PRMT2: variants seen among roughly 807,000 people sequenced by gnomAD.
The protein encoded by PRMT2 is protein arginine methyltransferase 2, also known as protein arginine N-methyltransferase 2.
PRMT2 carries 26 observed loss-of-function variants against 57.6 expected under a neutral mutation model. The observed-to-expected ratio is 0.45, with a 90% CI of 0.33 to 0.63. The LOEUF is 0.63. Among genes scored for constraint, PRMT2 ranks in the 20% least tolerant of loss-of-function variants. PRMT2 has a pLI of 0.02. For missense variants in PRMT2, 472 were observed against 564.4 expected (o/e 0.84, Z 1.66); for synonymous variants, 219 against 220.0 (o/e 1.00, Z 0.04).
chr21:46,637,823 G>A (rs560542318), intron 3 of PRMT2, among the ~76,000 whole-genome samples: 8 of 151,890 alleles, frequency 5.3e-5, no homozygotes, highest in Non-Finnish European at 7.4e-5. Flanking sequence ...AATACTGTCG[G>A]GTGTGTCTGT....
Position 46,637,008 on chromosome 21 carries a change from T to C in PRMT2, c.39+18T>C, listed in dbSNP as rs763832391. Reference sequence around the variant, plus strand: ...AATCGCAGGTAATTTCCGTTCCACTTCCTAAAAATCTGTGTTTAATGAATG... The same window carrying C: ...AATCGCAGGTAATTTCCGTTCCACTCCCTAAAAATCTGTGTTTAATGAATG... On this transcript the variant is annotated intron_variant, in intron 3 of 11. Transcript: ENST00000355680. The C allele has an allele frequency of 6.2e-7, 1 of 1,612,818 alleles. No individual in the cohort carries two copies. The highest frequency in any genetic ancestry group is 8.5e-7 in the Non-Finnish European group (1 of 1,179,052).
At chr21:46,663,295 G>T in intron 10 of PRMT2, 88 bp from the exon 11 acceptor site, 5 of 1,349,658 alleles carry the variant, frequency 3.7e-6, no homozygotes, top group Middle Eastern at 2.7e-4. Context: ...GGGGGCGAGA[G>T]CCAGTGCGAG....
At chr21:46,644,565 G>C (rs1199842570) in intron 5 of PRMT2, 77 bp downstream of exon 5, 4 of 1,419,200 alleles carry the variant, frequency 2.8e-6, no homozygotes, top group Non-Finnish European at 3.8e-6. Flanking sequence ...GCAACGTTCA[G>C]AGCAGGCCCA....
chr21:46,660,075 A>G, intron 8 of PRMT2: 1 of 976,628 alleles, frequency 1.0e-6, no homozygotes. Context: ...TAAATTTGTA[A>G]TTTTTTATCA....
At chr21:46,639,495 T>G (rs2061231863) in intron 3 of PRMT2, among the ~76,000 whole-genome samples, 1 of 152,174 alleles carries the variant, frequency 6.6e-6, no homozygotes, top group Non-Finnish European at 1.5e-5. Flanking sequence ...CTTTTTGCTT[T>G]GTATATTTTG....
intron 8 of PRMT2, chr21:46,660,251 T>C: frequency 2.6e-6 from 2 of 773,154 alleles, no homozygotes; most frequent in Non-Finnish European, 3.1e-6. Context: ...AACGGTGACA[T>C]GCAGGGGCCA....
Position 46,648,329 on chromosome 21 carries a change from C to A in PRMT2, c.328-129C>A. On this transcript the variant is annotated intron_variant, in intron 5 of 11. Coordinates refer to ENST00000355680, the MANE Select transcript of PRMT2 (RefSeq NM_206962.4). This position sits in a 1 kb window ranked among gnomAD's most constrained non-coding sequence, Gnocchi z 4.8. ...ACTTGGTTGACAGTGATGTCCAGGC[C>A]TTCCATAGTCTTCCATAGGGGTGTT... is the stretch of plus-strand genomic sequence containing the variant. 1 of 899,344 alleles carries A rather than the reference C, an allele frequency of 1.1e-6. No individual in the cohort carries two copies. The highest frequency in any genetic ancestry group is 1.7e-6 in the Non-Finnish European group (1 of 596,626). The allele number at this position is 899,344 out of a possible 1,614,324, so 55.7% of individuals were successfully genotyped here. A position where few individuals can be genotyped will look rare whatever the true frequency, so the allele number is the denominator to read the frequency against.
chr21:46,645,739 C>T (rs1198769663), intron 5 of PRMT2, among the ~76,000 whole-genome samples: 8 of 148,784 alleles, frequency 5.4e-5, no homozygotes, highest in Non-Finnish European at 8.9e-5. Context: ...TTTTTTGAGA[C>T]GTAGTCTTGC....
chr21:46,659,859 T>C, intron 8 of PRMT2: 1 of 985,426 alleles, frequency 1.0e-6, no homozygotes, highest in Non-Finnish European at 1.2e-6. Context: ...ACCATAGGTT[T>C]TTAGGGATAT....
chr21:46,651,475 G>C (rs1206427781), intron 7 of PRMT2, among the ~76,000 whole-genome samples: 2 of 140,494 alleles, frequency 1.4e-5, no homozygotes, highest in Non-Finnish European at 3.1e-5. Context: ...GCCTGGAGGG[G>C]CCACCCTGAG....
rs765298078 is a variant in PRMT2, at chr21:46,643,611, C to G, written c.116C>G (p.Ala39Gly). 6.2e-7 allele frequency: 1 copy of G among 1,610,616 alleles called. No individual in the cohort carries two copies. The highest frequency in any genetic ancestry group is 8.5e-7 in the Non-Finnish European group (1 of 1,179,122). Residue 39 changes from alanine to glycine, a missense_variant, in exon 4 of 12, where the codon GCG becomes GGG. Physicochemically the swap from Ala to Gly is moderately conservative, Grantham distance 60. Around this residue, in one of 2 missense-constraint regions of PRMT2, gnomAD observed 243 missense variants for 347.2 expected, o/e 0.70. Coordinates refer to ENST00000355680, the MANE Select transcript of PRMT2 (RefSeq NM_206962.4). The part of the protein sequence containing the change: ...GVQPEEFVAI[A>G]DYAATDETQL... ...CAGCCAGAGGAGTTTGTGGCCATCG[C>G]GGACTACGCTGCCACCGATGAGACC...
chr21:46,635,682 T>C lies in PRMT2; in HGVS notation c.-247T>C, dbSNP rs1049727017. 1 of 152,450 alleles carries C rather than the reference T, an allele frequency of 6.6e-6. No individual in the cohort carries two copies. Among genetic ancestry groups the C allele is most frequent in the Non-Finnish European group, 1.5e-5 (1 of 68,252 alleles). 9.4% of individuals were successfully genotyped at this position (152,450 alleles called of 1,614,324 possible). On this transcript the variant is annotated 5_prime_UTR_variant, in exon 1 of 12. Coordinates refer to ENST00000355680, the MANE Select transcript of PRMT2 (RefSeq NM_206962.4). ...CTGCGCTTGCGCGGGTTGAGGGCGG[T>C]GGCTCAGGCTCCTGGAAAGGACCGT...
chr21:46,658,933 A>G lies in PRMT2; in HGVS notation c.830+13A>G, dbSNP rs1436452182. 3 of 1,607,782 alleles carry G rather than the reference A, an allele frequency of 1.9e-6. No homozygotes were observed. In the Admixed American group the frequency reaches 5.0e-5, roughly 27 times the overall value. On this transcript the variant is annotated intron_variant, in intron 8 of 11. Transcript: ENST00000355680. Reference sequence around the variant, plus strand: ...TCAGCGCTCTGAAGTAAGTGTCCACAGCTGGGACTGGCACCGTCTTGTGGG... The same window carrying G: ...TCAGCGCTCTGAAGTAAGTGTCCACGGCTGGGACTGGCACCGTCTTGTGGG...
At chr21:46,656,737 C>T (rs2061546957) in intron 7 of PRMT2, 1 of 152,230 alleles carries the variant, frequency 6.6e-6, no homozygotes, top group Middle Eastern at 3.4e-3. Context: ...TTGAAAAAAT[C>T]ATAGAAAATC....
chr21:46,661,415 G>A lies in PRMT2; in HGVS notation c.961-385G>A, dbSNP rs1307371162. The A allele has an allele frequency of 1.7e-5, 3 of 171,564 alleles. No individual in the cohort carries two copies. In the Admixed American group the frequency reaches 1.9e-4, roughly 11 times the overall value. The allele number at this position is 171,564 out of a possible 1,614,324, so 10.6% of individuals were successfully genotyped here. The stretch of plus-strand genomic sequence containing the variant: ...GGCGGTTTCCCCGCGCCCCCGCCCT[G>A]CCTGGCGCCCCAGCTGGCGCCGCGT... On this transcript the variant is annotated intron_variant, in intron 9 of 11. Coordinates refer to ENST00000355680, the MANE Select transcript of PRMT2 (RefSeq NM_206962.4).
rs1251568021 is a variant in PRMT2 at position 46,648,567 on chromosome 21, G to A, written c.437G>A (p.Cys146Tyr). 1.2e-6 allele frequency: 2 copies of A among 1,614,132 alleles called. No homozygotes were observed. The highest frequency in any genetic ancestry group is 1.7e-6 in the Non-Finnish European group (2 of 1,180,052). The change falls in exon 6 of 12, where the codon TGT becomes TAT. Residue 146 changes from cysteine to tyrosine, a missense_variant. Around this residue, in one of 2 missense-constraint regions of PRMT2, gnomAD observed 243 missense variants for 347.2 expected, o/e 0.70. Coordinates refer to ENST00000355680, the MANE Select transcript of PRMT2 (RefSeq NM_206962.4). The surrounding 1 kb of genome is among the most constrained non-coding windows in gnomAD (Gnocchi z 4.8). ...LTDKVILDVG[C>Y]GTGIISLFCA... ...GATAAAGTCATCCTGGACGTGGGCT[G>A]TGGGACTGGGATCATCAGTCTCTTC...
At chr21:46,650,749 G>A (rs2061437696) in intron 7 of PRMT2, among the ~76,000 whole-genome samples, 1 of 152,326 alleles carries the variant, frequency 6.6e-6, no homozygotes, top group East Asian at 1.9e-4. Flanking sequence ...GGTGATACGG[G>A]GAAGCCTGGC....
At chr21:46,652,792 A>G (rs2061480245) in intron 7 of PRMT2, 2 of 1,225,626 alleles carry the variant, frequency 1.6e-6, no homozygotes, top group South Asian at 1.4e-5. Flanking sequence ...CCATTTAATC[A>G]TTTTTGTTAA....
intron 7 of PRMT2, among the ~76,000 whole-genome samples, chr21:46,651,333 G>C (rs1031502433): frequency 1.3e-5 from 2 of 152,180 alleles, no homozygotes; most frequent in Non-Finnish European, 2.9e-5. Context: ...GACTGGCTGG[G>C]GGCCGGGGTA....
Sources: allele counts gnomAD v4.1 joint callset (sites outside exome capture counted in the v4.1 genomes callset), GRCh38; gene constraint gnomAD v4.1.1; regional missense constraint gnomAD v4.1.1; non-coding constraint Gnocchi (gnomAD v3.1); transcripts MANE v1.5; gene names NCBI Gene and HGNC (gene_info 2026-07-23, HGNC 2026-07-21).